The following UNC13C variants were observed in gnomAD, a reference collection of about 807,000 sequenced individuals.
UNC13C encodes protein unc-13 homolog C.
Under a neutral mutation model 245.4 loss-of-function variants are expected in UNC13C, and 174 were observed. That is an observed-to-expected ratio of 0.71 (90% CI 0.63 to 0.80). The LOEUF is 0.80. Among genes scored for constraint, UNC13C ranks in the 30% least tolerant of loss-of-function variants. The probability of loss-of-function intolerance (pLI) is 0.00; values close to 1 mark genes in which losing one functional copy is unlikely to be tolerated. For missense variants in UNC13C, 2,829 were observed against 2,602.9 expected (o/e 1.09, Z -1.89); for synonymous variants, 992 against 895.1 (o/e 1.11, Z -1.93).
At chr15:54,235,212 G>T in intron 5 of UNC13C, 104 bp downstream of exon 5, 1 of 941,402 alleles carries the variant, frequency 1.1e-6, no homozygotes, top group East Asian at 2.7e-5. Flanking sequence ...AATATTCCAT[G>T]GAATAAAAAT....
chr15:53,874,070 G>GGCTA, the UNC13C span, among the ~76,000 whole-genome samples: 1 of 151,840 alleles, frequency 6.6e-6, no homozygotes. Flanking sequence ...TTGACCTCTA[G>GGCTA]GCTCCGTCAA....
intron 19 of UNC13C, among the ~76,000 whole-genome samples, chr15:54,481,604 G>T (rs72738404): frequency 0.023 from 3,444 of 152,178 alleles, 45 homozygotes; most frequent in African/African-American, 0.041. Context: ...TGGTGAGGCT[G>T]GGCTCTCAAA....
At chr15:54,444,947 T>G (rs1021727257) in intron 19 of UNC13C, among the ~76,000 whole-genome samples, 1 of 150,180 alleles carries the variant, frequency 6.7e-6, no homozygotes, top group Non-Finnish European at 1.5e-5. Context: ...GTATATCTCC[T>G]AATGCTATCC....
intron 19 of UNC13C, among the ~76,000 whole-genome samples, chr15:54,446,850 G>C (rs1432654797): frequency 3.9e-5 from 6 of 152,110 alleles, no homozygotes; most frequent in African/African-American, 1.4e-4. Context: ...GGTGAGAGAG[G>C]GCATCCCTGT....
At chr15:53,940,614 C>T in the UNC13C span, among the ~76,000 whole-genome samples, 1 of 152,116 alleles carries the variant, frequency 6.6e-6, no homozygotes, top group East Asian at 1.9e-4. Flanking sequence ...GCAACTTCAG[C>T]AAAGTTTCAG....
intron 2 of UNC13C, among the ~76,000 whole-genome samples, chr15:54,128,040 C>A (rs1285617373): frequency 6.6e-6 from 1 of 151,932 alleles, no homozygotes; most frequent in African/African-American, 2.4e-5. Context: ...CCAAAAGACT[C>A]CTGGCACTGA....
At chr15:54,472,995 AC>A (rs1411660729) in intron 19 of UNC13C, among the ~76,000 whole-genome samples, 2 of 151,050 alleles carry the variant, frequency 1.3e-5, no homozygotes, top group African/African-American at 4.9e-5. Flanking sequence ...TAGTTATTCA[AC>A]CCTCTTTTCC....
At chr15:53,846,813 A>C in the UNC13C span, among the ~76,000 whole-genome samples, 1 of 152,158 alleles carries the variant, frequency 6.6e-6, no homozygotes, top group African/African-American at 2.4e-5. Context: ...AAGATCCTTT[A>C]GGTAGAAGCT....
chr15:54,236,689 A>G lies in UNC13C; in HGVS notation c.3156+254A>G, dbSNP rs1596060211. Among the ~76,000 whole-genome samples, 3 of 152,178 alleles carry G rather than the reference A, an allele frequency of 2.0e-5. No homozygotes were observed. In the South Asian group the frequency reaches 6.2e-4, roughly 31 times the overall value. On this transcript the variant is annotated intron_variant, in intron 6 of 32. Transcript: ENST00000260323. ...GGAATATATTTTTCAAAGATGAAAC[A>G]TTTTCTTGGGTAAACTCTTGGAGGT...
intron 8 of UNC13C, among the ~76,000 whole-genome samples, chr15:54,261,352 G>A (rs1464695246): frequency 6.6e-6 from 1 of 152,138 alleles, no homozygotes; most frequent in African/African-American, 2.4e-5. Flanking sequence ...TTAAGAAAGA[G>A]TTTCATTAGA....
intron 4 of UNC13C, among the ~76,000 whole-genome samples, chr15:54,147,381 G>A (rs959000567): frequency 1.8e-4 from 27 of 151,922 alleles, no homozygotes; most frequent in African/African-American, 5.6e-4. Flanking sequence ...CACCACGCCC[G>A]GCCATTTTTT....
At chr15:53,963,023 C>T in the UNC13C span, among the ~76,000 whole-genome samples, 1 of 152,188 alleles carries the variant, frequency 6.6e-6, no homozygotes, top group African/African-American at 2.4e-5. Context: ...GATTTTTTCA[C>T]ATTACCTTAC....
At chr15:53,900,572 T>C in the UNC13C span, among the ~76,000 whole-genome samples, 1 of 152,210 alleles carries the variant, frequency 6.6e-6, no homozygotes, top group East Asian at 1.9e-4. Context: ...TATGAATCAC[T>C]GTAGCTACAC....
At chr15:54,177,157 G>T (rs1019440456) in intron 4 of UNC13C, among the ~76,000 whole-genome samples, 1 of 152,060 alleles carries the variant, frequency 6.6e-6, no homozygotes, top group African/African-American at 2.4e-5. Context: ...TATAATTTTA[G>T]GACTATACCA....
At chr15:54,003,506 A>G (rs1894994691) in intron 1 of UNC13C, among the ~76,000 whole-genome samples, 1 of 152,132 alleles carries the variant, frequency 6.6e-6, no homozygotes, top group Admixed American at 6.6e-5. Context: ...TTGAAGGTGG[A>G]CTGTTCCCAT....
At chr15:53,948,961 G>T in the UNC13C span, among the ~76,000 whole-genome samples, 1 of 152,100 alleles carries the variant, frequency 6.6e-6, no homozygotes, top group Non-Finnish European at 1.5e-5. Flanking sequence ...ACCATTAAAG[G>T]TATTTTCCAT....
At chr15:54,387,562 G>T (rs497723) in intron 17 of UNC13C, among the ~76,000 whole-genome samples, 119,869 of 151,938 alleles carry the variant, frequency 0.79, 47,408 homozygotes, top group East Asian at 0.91. Context: ...CCCCACTGAT[G>T]TGGAGAACAA....
At chr15:54,116,673 A>G (rs12592576) in intron 2 of UNC13C, among the ~76,000 whole-genome samples, 4,607 of 152,266 alleles carry the variant, frequency 0.03, 118 homozygotes, top group East Asian at 0.093. Context: ...CTATGCATTC[A>G]TCCACTGATG....
chr15:54,400,019 T>A, intron 18 of UNC13C, among the ~76,000 whole-genome samples: 1 of 151,988 alleles, frequency 6.6e-6, no homozygotes, highest in East Asian at 1.9e-4. Flanking sequence ...ATTCAACAAT[T>A]ATCAAAATTT....
Sources: allele counts gnomAD v4.1 joint callset (sites outside exome capture counted in the v4.1 genomes callset), GRCh38; gene constraint gnomAD v4.1.1; transcripts MANE v1.5; gene names NCBI Gene and HGNC (gene_info 2026-07-23, HGNC 2026-07-21).